AGBL3: variants seen among roughly 807,000 people sequenced by gnomAD.
AGBL3 encodes AGBL carboxypeptidase 3, also known as cytosolic carboxypeptidase 3.
In AGBL3, 68 loss-of-function variants were observed where a neutral mutation model predicts 94.5. The observed-to-expected ratio is 0.72, with a 90% CI of 0.59 to 0.88. AGBL3 has a LOEUF of 0.88. Among genes scored for constraint, AGBL3 ranks in the 40% least tolerant of loss-of-function variants. AGBL3 has a pLI of 0.00. For synonymous variants in AGBL3, 354 were observed against 370.7 expected (o/e 0.95, Z 0.52); for missense variants, 934 against 1,103.8 (o/e 0.85, Z 2.18).
intron 4 of AGBL3, 66 bp from the exon 5 acceptor site, chr7:135,016,986 A>G: frequency 9.9e-7 from 1 of 1,007,692 alleles, no homozygotes; most frequent in Non-Finnish European, 1.5e-6. Flanking sequence ...ATTTGAAAAT[A>G]TGCAATAAAA....
At position 135,059,173 on chromosome 7, in the gene AGBL3, C is replaced by T. The variant is rs887402867; in HGVS notation, c.1846C>T (p.Arg616Ter). Residue 616 changes from arginine to a stop codon, truncating the protein, a stop_gained, in exon 12 of 17, where the codon CGA becomes TGA. Coordinates refer to ENST00000436302, the MANE Select transcript of AGBL3 (RefSeq NM_178563.4). LOFTEE classifies it high-confidence loss of function. ...DITLDVESSS[R>*]GSDSSESIDS... ...CCAAAATTATTTTTTTTGTAGTAGCCGAGGCTCTGACAGTTCAGAATCCAT... is the reference window on the plus strand; with the variant it reads ...CCAAAATTATTTTTTTTGTAGTAGCTGAGGCTCTGACAGTTCAGAATCCAT... 3.0e-5 allele frequency: 47 copies of T among 1,550,058 alleles called. No individual in the cohort carries two copies. Among genetic ancestry groups the T allele is most frequent in the South Asian group, 4.8e-5 (4 of 83,808 alleles).
chr7:135,070,419 C>CA (rs1247944553), intron 12 of AGBL3, among the ~76,000 whole-genome samples: 1 of 151,942 alleles, frequency 6.6e-6, no homozygotes, highest in Non-Finnish European at 1.5e-5. Context: ...AGAGATACCA[C>CA]AAAAAAAGAG....
At chr7:135,045,444 CA>C (rs1438342769) in intron 9 of AGBL3, 29 bp from the exon 10 acceptor site, 36 of 1,516,660 alleles carry the variant, frequency 2.4e-5, no homozygotes, top group Non-Finnish European at 3.0e-5. Flanking sequence ...AACTTACCCT[CA>C]AGGGTGGATA....
At chr7:135,005,201 T>C (rs1022528227) in intron 4 of AGBL3, among the ~76,000 whole-genome samples, 43 of 151,924 alleles carry the variant, frequency 2.8e-4, no homozygotes, top group African/African-American at 9.9e-4. Context: ...GTAAATACTT[T>C]AGCATTTATA....
At chr7:134,991,210 G>GC (rs200153759) in intron 3 of AGBL3, among the ~76,000 whole-genome samples, 5 of 92,898 alleles carry the variant, frequency 5.4e-5, no homozygotes, top group Non-Finnish European at 8.4e-5. Flanking sequence ...GTGGGGGGGG[G>GC]GTTGGTTAAA....
rs779430819 is a variant in AGBL3 at position 135,080,280 on chromosome 7, T to G, written c.2038+20T>G. The stretch of plus-strand genomic sequence containing the variant: ...TGAAAGGTAATATTCTGCTTCTACC[T>G]TCTCATAAACAATTAATTCATTTAC... On this transcript the variant is annotated intron_variant, in intron 14 of 16. Coordinates refer to ENST00000436302, the MANE Select transcript of AGBL3 (RefSeq NM_178563.4). 4.2e-5 allele frequency: 65 copies of G among 1,540,888 alleles called. No individual in the cohort carries two copies. Among genetic ancestry groups the G allele is most frequent in the Non-Finnish European group, 5.2e-5 (59 of 1,138,458 alleles).
chr7:135,128,763 G>A, intron 16 of AGBL3: 1 of 1,346,604 alleles, frequency 7.4e-7, no homozygotes, highest in Non-Finnish European at 1.1e-6. Context: ...CCAACACAGA[G>A]CTAGATTTTG....
chr7:135,017,128 G>A lies in AGBL3; in HGVS notation c.387G>A (p.Lys129=), dbSNP rs776515256. ...CGGAACCCCTTTATCCAGACTCCAA[G>A]GAAGCTACTGTGGTTTATCTAGCTG... ...LETEPLYPDS[K]EATVVYLAED... Residue 129 remains lysine (K), a synonymous_variant, in exon 5 of 17, where the codon AAG becomes AAA. Coordinates refer to ENST00000436302, the MANE Select transcript of AGBL3 (RefSeq NM_178563.4). The A allele has an allele frequency of 4.5e-6, 7 of 1,550,000 alleles. No individual in the cohort carries two copies. In the South Asian group the frequency reaches 8.3e-5, roughly 18 times the overall value.
intron 8 of AGBL3, 76 bp downstream of exon 8, chr7:135,037,656 A>G: frequency 8.0e-7 from 1 of 1,244,540 alleles, no homozygotes; most frequent in Non-Finnish European, 1.1e-6. Context: ...GCCCACGTGG[A>G]TAATACTATT....
intron 15 of AGBL3, among the ~76,000 whole-genome samples, chr7:135,105,899 C>T (rs1824639900): frequency 6.6e-6 from 1 of 152,014 alleles, no homozygotes; most frequent in South Asian, 2.1e-4. Context: ...GTTTATGTCA[C>T]TTCTGATTTC....
chr7:135,132,110 A>G (rs1321281250), intron 16 of AGBL3, among the ~76,000 whole-genome samples: 2 of 152,200 alleles, frequency 1.3e-5, no homozygotes, highest in African/African-American at 2.4e-5. Flanking sequence ...AAGAATTAAT[A>G]CCAATTCTAT....
chr7:135,002,941 T>G (rs541989592), intron 4 of AGBL3, among the ~76,000 whole-genome samples: 1 of 152,360 alleles, frequency 6.6e-6, no homozygotes, highest in South Asian at 2.1e-4. Context: ...CTAAGTGCTT[T>G]CTGCCTATGC....
intron 12 of AGBL3, among the ~76,000 whole-genome samples, chr7:135,072,636 C>T (rs1563238116): frequency 6.6e-6 from 1 of 151,898 alleles, no homozygotes; most frequent in African/African-American, 2.4e-5. Flanking sequence ...AAGCTGGAAA[C>T]CATCATTCTC....
At chr7:135,028,340 C>T (rs1815369791) in intron 5 of AGBL3, among the ~76,000 whole-genome samples, 1 of 148,450 alleles carries the variant, frequency 6.7e-6, no homozygotes, top group Non-Finnish European at 1.5e-5. Flanking sequence ...GGAGTCAGTC[C>T]TATTAAATCC....
chr7:135,017,170 A>T lies in AGBL3; in HGVS notation c.418+11A>T. ...ATCTAGCTGAAGATGGTGAGCACAT[A>T]ATGACACATGTTGCTGTAAAATATA... On this transcript the variant is annotated intron_variant, in intron 5 of 16. Coordinates refer to ENST00000436302, the MANE Select transcript of AGBL3 (RefSeq NM_178563.4). The T allele has an allele frequency of 6.8e-7, 1 of 1,474,720 alleles. No homozygotes were observed. The highest frequency in any genetic ancestry group is 9.3e-7 in the Non-Finnish European group (1 of 1,076,334). The allele number at this position is 1,474,720 out of a possible 1,614,324, so 91.4% of individuals were successfully genotyped here. A position where few individuals can be genotyped will look rare whatever the true frequency, so the allele number is the denominator to read the frequency against.
chr7:135,094,801 C>G (rs776597778), intron 15 of AGBL3, among the ~76,000 whole-genome samples: 1 of 152,162 alleles, frequency 6.6e-6, no homozygotes, highest in Non-Finnish European at 1.5e-5. Context: ...GGAATTTATT[C>G]AGATTACATA....
intron 12 of AGBL3, 58 bp downstream of exon 12, chr7:135,059,293 G>GC: frequency 7.8e-7 from 1 of 1,275,484 alleles, no homozygotes; most frequent in South Asian, 1.6e-5. Context: ...TGTTCTTATT[G>GC]TGACTAATAA....
chr7:134,988,483 T>C (rs2732906), intron 2 of AGBL3: 10,600 of 152,642 alleles, frequency 0.069, 1,188 homozygotes, highest in African/African-American at 0.24. Context: ...TCTTTAGTCT[T>C]TTTCTACTAC....
At chr7:135,049,617 T>C (rs1461254641) in intron 11 of AGBL3, among the ~76,000 whole-genome samples, 1 of 151,990 alleles carries the variant, frequency 6.6e-6, no homozygotes, top group Non-Finnish European at 1.5e-5. Context: ...GTTCAGACTT[T>C]CTATTTATCC....
Sources: gnomAD v4.1 joint callset for allele counts (sites outside exome capture counted in the v4.1 genomes callset) on GRCh38, gnomAD v4.1.1 for gene constraint, MANE v1.5 for transcripts, NCBI Gene and HGNC (gene_info 2026-07-23, HGNC 2026-07-21) for gene names.